TBC1D5: variants seen among roughly 807,000 people sequenced by gnomAD.
TBC1D5 encodes the protein TBC1 domain family, member 5.
Under a neutral mutation model 100.3 loss-of-function variants are expected in TBC1D5, and 75 were observed. That is an observed-to-expected ratio of 0.75 (90% CI 0.62 to 0.91). TBC1D5 has a LOEUF of 0.91. Ranked by LOEUF, TBC1D5 falls within the 40% of genes least tolerant of loss-of-function variation. The pLI, the probability that TBC1D5 is intolerant of heterozygous loss-of-function variation, is 0.00. For missense variants in TBC1D5, 910 were observed against 942.4 expected, an observed-to-expected ratio of 0.97 and a Z score of 0.45; for synonymous variants, 323 against 325.6, an observed-to-expected ratio of 0.99 and a Z score of 0.09.
rs528558964 is a variant in TBC1D5, at chr3:17,657,893, CATAA to C, written c.-100-33984_-100-33981del. Among the ~76,000 whole-genome samples, 10 of 152,318 alleles carry C rather than the reference CATAA, an allele frequency of 6.6e-5. No individual in the cohort carries two copies. The South Asian group carries it at 2.1e-3, about 32-fold the overall frequency. On this transcript the variant is annotated intron_variant, in intron 1 of 21. Coordinates refer to ENST00000253692, the Ensembl canonical transcript of TBC1D5. ...AAAATTCAGCTATTTTATGCAAAAA[CATAA>C]ATACAGTCATGTGCTGTATAATGAC... is the stretch of plus-strand genomic sequence containing the variant.
intron 8 of TBC1D5, among the ~76,000 whole-genome samples, chr3:17,384,375 T>C (rs908505822): frequency 5.9e-5 from 9 of 152,068 alleles, no homozygotes; most frequent in African/African-American, 2.2e-4. Context: ...TTTGTAAAAG[T>C]ACTAATTTTT....
At chr3:17,245,025 A>C (rs902252627) in intron 16 of TBC1D5, among the ~76,000 whole-genome samples, 1 of 148,078 alleles carries the variant, frequency 6.8e-6, no homozygotes, top group Non-Finnish European at 1.5e-5. Flanking sequence ...GTCTCTACAA[A>C]AAAAAAAAAA....
intron 2 of TBC1D5, among the ~76,000 whole-genome samples, chr3:17,616,083 T>G (rs941905112): frequency 6.6e-6 from 1 of 152,216 alleles, no homozygotes; most frequent in South Asian, 2.1e-4. Context: ...TTCTGGTACG[T>G]TGTGTCTTTG....
At chr3:17,633,507 T>C (rs990141608) in intron 1 of TBC1D5, among the ~76,000 whole-genome samples, 2 of 152,172 alleles carry the variant, frequency 1.3e-5, no homozygotes, top group Admixed American at 6.5e-5. Flanking sequence ...CAGGTAAATG[T>C]TCTACTTAGG....
At chr3:17,311,595 A>G (rs931565332) in intron 13 of TBC1D5, among the ~76,000 whole-genome samples, 1 of 152,074 alleles carries the variant, frequency 6.6e-6, no homozygotes, top group Non-Finnish European at 1.5e-5. Flanking sequence ...AGTTTATGAA[A>G]AGGACCAATT....
intron 7 of TBC1D5, 109 bp downstream of exon 7, chr3:17,404,585 G>C (rs1342681281): frequency 1.1e-5 from 11 of 988,406 alleles, no homozygotes; most frequent in African/African-American, 1.7e-5. Context: ...GTGGAATAAA[G>C]AAAACAGTTA....
chr3:17,349,137 T>C (rs941660696), intron 13 of TBC1D5, among the ~76,000 whole-genome samples: 1 of 152,210 alleles, frequency 6.6e-6, no homozygotes, highest in Non-Finnish European at 1.5e-5. Context: ...ATTCTATACA[T>C]ACATGAGGAA....
chr3:17,628,337 T>C (rs1441967608), intron 1 of TBC1D5, among the ~76,000 whole-genome samples: 1 of 148,762 alleles, frequency 6.7e-6, no homozygotes, highest in Non-Finnish European at 1.5e-5. Context: ...GCCACTGCAC[T>C]CCAGCCTGGG....
chr3:17,240,788 T>A (rs377657171), intron 16 of TBC1D5, among the ~76,000 whole-genome samples: 158 of 152,252 alleles, frequency 1.0e-3, no homozygotes, highest in African/African-American at 3.6e-3. Flanking sequence ...TACCCTTTTT[T>A]ATACAAAAAA....
At chr3:17,608,370 A>G (rs147421998) in intron 2 of TBC1D5, among the ~76,000 whole-genome samples, 1 of 152,306 alleles carries the variant, frequency 6.6e-6, no homozygotes, top group African/African-American at 2.4e-5. Flanking sequence ...CAAAATACAT[A>G]ATGAGTAAAA....
chr3:17,679,455 T>C (rs1475335130), intron 1 of TBC1D5, among the ~76,000 whole-genome samples: 1 of 151,558 alleles, frequency 6.6e-6, no homozygotes, highest in Non-Finnish European at 1.5e-5. Context: ...ATGACAATCA[T>C]GAATTTTTTA....
chr3:17,592,083 T>C (rs994598960), intron 2 of TBC1D5, among the ~76,000 whole-genome samples: 1 of 152,264 alleles, frequency 6.6e-6, no homozygotes, highest in African/African-American at 2.4e-5. Context: ...GCCATTGACC[T>C]GGCAAATGCC....
At chr3:17,720,446 C>T (rs2075604099) in intron 1 of TBC1D5, among the ~76,000 whole-genome samples, 1 of 152,014 alleles carries the variant, frequency 6.6e-6, no homozygotes, top group Non-Finnish European at 1.5e-5. Flanking sequence ...AAAATAATGG[C>T]TAAATGTTGA....
In TBC1D5 at chr3:17,203,954, T is replaced by G. The variant is rs577247238; in HGVS notation, c.1752+10253A>C. 2.6e-5 allele frequency among the ~76,000 whole-genome samples: 4 copies of G among 152,346 alleles called. No individual in the cohort carries two copies. In the East Asian group the frequency reaches 7.7e-4, roughly 29 times the overall value. ...TGAGGAACAACCAAAAGGGAGTTCC[T>G]TAGCCCTAAGTTTTCAGGGGCAAAG... On this transcript the variant is annotated intron_variant, in intron 18 of 21. Transcript: ENST00000253692.
intron 14 of TBC1D5, among the ~76,000 whole-genome samples, chr3:17,305,740 C>T (rs2083333265): frequency 6.6e-6 from 1 of 152,176 alleles, no homozygotes; most frequent in Admixed American, 6.5e-5. Context: ...GGAGATTCTT[C>T]TAGATTTCCC....
intron 2 of TBC1D5, among the ~76,000 whole-genome samples, chr3:17,554,460 ACTACTGTAGG>A (rs1325079987): frequency 1.3e-5 from 2 of 152,160 alleles, no homozygotes; most frequent in Non-Finnish European, 2.9e-5. Flanking sequence ...AAAAGAAAAC[ACTACTGTAGG>A]CAGGAAGTTT....
chr3:17,362,825 C>A (rs902559500), intron 13 of TBC1D5, among the ~76,000 whole-genome samples: 2 of 152,142 alleles, frequency 1.3e-5, no homozygotes, highest in Non-Finnish European at 2.9e-5. Flanking sequence ...CCTTCACATA[C>A]AGTTGTAAGA....
intron 18 of TBC1D5, among the ~76,000 whole-genome samples, chr3:17,207,961 A>G (rs1194573989): frequency 6.6e-6 from 1 of 152,242 alleles, no homozygotes; most frequent in East Asian, 1.9e-4. Context: ...TTTAAGGGAC[A>G]AGAGACCCAA....
intron 2 of TBC1D5, among the ~76,000 whole-genome samples, chr3:17,612,522 C>T (rs1176271232): frequency 6.6e-6 from 1 of 151,428 alleles, no homozygotes. Context: ...CCCAGCTACT[C>T]GGGAGGCTGA....
Sources: allele counts gnomAD v4.1 joint callset (sites outside exome capture counted in the v4.1 genomes callset), GRCh38; gene constraint gnomAD v4.1.1; transcripts MANE v1.5; gene names NCBI Gene and HGNC (gene_info 2026-07-23, HGNC 2026-07-21).